The following FMNL2 variants were observed in gnomAD, a reference collection of about 807,000 sequenced individuals.
FMNL2 encodes the protein formin-like protein 2.
Under a neutral mutation model 130.2 loss-of-function variants are expected in FMNL2, and 51 were observed. The observed-to-expected ratio is 0.39, with a 90% confidence interval of 0.31 to 0.49. The LOEUF is 0.49. FMNL2 is among the 20% of genes least tolerant of loss of function. The pLI, the probability that FMNL2 is intolerant of heterozygous loss-of-function variation, is 0.85. For synonymous variants in FMNL2, 465 were observed against 467.1 expected (o/e 1.00, Z 0.06); for missense variants, 977 against 1,316.2 (o/e 0.74, Z 3.99).
chr2:152,400,265 C>T (rs973315631), intron 1 of FMNL2, among the ~76,000 whole-genome samples: 3 of 152,022 alleles, frequency 2.0e-5, no homozygotes, highest in Admixed American at 6.5e-5. Context: ...AACTCCGTCT[C>T]TAATAAAAAA....
chr2:152,395,837 C>T (rs1469222795), intron 1 of FMNL2, among the ~76,000 whole-genome samples: 3 of 147,918 alleles, frequency 2.0e-5, no homozygotes, highest in Non-Finnish European at 3.0e-5. Context: ...CAACCAAATA[C>T]CCAACTGTGA....
At chr2:152,643,440 C>G (rs878926446) in intron 25 of FMNL2, 1 of 1,536,152 alleles carries the variant, frequency 6.5e-7, no homozygotes, top group Non-Finnish European at 8.7e-7. Flanking sequence ...GTGCCCTTTA[C>G]TGCTCGCACC....
chr2:152,574,623 A>G (rs1318804568), intron 6 of FMNL2, among the ~76,000 whole-genome samples: 1 of 152,180 alleles, frequency 6.6e-6, no homozygotes, highest in African/African-American at 2.4e-5. Context: ...TATGAATACA[A>G]TTTAACAAAA....
chr2:152,478,251 T>TATA (rs1491140356), intron 1 of FMNL2, among the ~76,000 whole-genome samples: 4 of 53,908 alleles, frequency 7.4e-5, no homozygotes, highest in African/African-American at 1.5e-4. Flanking sequence ...TATATATATA[T>TATA]TTTTTTTTTT....
intron 1 of FMNL2, among the ~76,000 whole-genome samples, chr2:152,497,269 A>G (rs1199613931): frequency 6.6e-6 from 1 of 152,202 alleles, no homozygotes; most frequent in African/African-American, 2.4e-5. Flanking sequence ...ATGCTAACAC[A>G]TACCCCACGA....
intron 1 of FMNL2, among the ~76,000 whole-genome samples, chr2:152,490,569 A>ATATGTG: frequency 9.2e-6 from 1 of 108,566 alleles, no homozygotes; most frequent in East Asian, 2.8e-4. Flanking sequence ...TTGCTATCCA[A>ATATGTG]TGTGTGTGTG....
intron 1 of FMNL2, among the ~76,000 whole-genome samples, chr2:152,485,677 G>A (rs1343619851): frequency 2.0e-5 from 3 of 152,118 alleles, no homozygotes; most frequent in East Asian, 3.9e-4. Flanking sequence ...TTAAAAAATC[G>A]AATGTTTTAA....
chr2:152,631,526 C>T (rs899662141), intron 20 of FMNL2, among the ~76,000 whole-genome samples: 3 of 151,910 alleles, frequency 2.0e-5, no homozygotes, highest in East Asian at 1.9e-4. Flanking sequence ...ATGATTACAG[C>T]GTGGATCCAC....
At chr2:152,461,452 G>C (rs932433020) in intron 1 of FMNL2, among the ~76,000 whole-genome samples, 1 of 151,942 alleles carries the variant, frequency 6.6e-6, no homozygotes, top group Non-Finnish European at 1.5e-5. Context: ...GGAAATATTT[G>C]ATCTGTATTT....
At chr2:152,510,773 A>G (rs1692456535) in intron 1 of FMNL2, among the ~76,000 whole-genome samples, 1 of 152,220 alleles carries the variant, frequency 6.6e-6, no homozygotes, top group African/African-American at 2.4e-5. Flanking sequence ...GTCATACACC[A>G]GAAGGCCTGC....
chr2:152,445,697 G>T (rs1019275168), intron 1 of FMNL2, among the ~76,000 whole-genome samples: 8 of 152,200 alleles, frequency 5.3e-5, no homozygotes. Flanking sequence ...TGGATCAGGG[G>T]TTGAAAATCT....
intron 23 of FMNL2, 61 bp from the exon 24 acceptor site, chr2:152,639,897 A>G (rs1682936871): frequency 6.9e-7 from 1 of 1,441,050 alleles, no homozygotes; most frequent in African/African-American, 1.4e-5. Context: ...ATGACTTTAA[A>G]AAATCTTGGC....
intron 1 of FMNL2, among the ~76,000 whole-genome samples, chr2:152,449,976 TCTAC>T (rs1485741290): frequency 6.6e-6 from 1 of 152,212 alleles, no homozygotes; most frequent in Non-Finnish European, 1.5e-5. Flanking sequence ...CTATTCCAAA[TCTAC>T]CTGTTGCCTC....
chr2:152,627,905 C>T (rs1681904108), intron 17 of FMNL2, among the ~76,000 whole-genome samples: 1 of 152,144 alleles, frequency 6.6e-6, no homozygotes, highest in African/African-American at 2.4e-5. Flanking sequence ...TGTTAATCTC[C>T]TGAATTAGCT....
At chr2:152,543,728 C>CGAAA (rs1694449934) in intron 3 of FMNL2, among the ~76,000 whole-genome samples, 1 of 29,160 alleles carries the variant, frequency 3.4e-5, no homozygotes, top group African/African-American at 1.1e-4. Flanking sequence ...CACCCCCCGA[C>CGAAA]CAAAAAAAAA....
At chr2:152,412,446 TTATA>T (rs56681937) in intron 1 of FMNL2, among the ~76,000 whole-genome samples, 183 of 102,874 alleles carry the variant, frequency 1.8e-3, no homozygotes, top group African/African-American at 3.9e-3. Flanking sequence ...TCTGTATATT[TTATA>T]TATATATATA....
chr2:152,620,536 C>T (rs997695794), intron 15 of FMNL2, among the ~76,000 whole-genome samples: 109 of 152,134 alleles, frequency 7.2e-4, no homozygotes, highest in African/African-American at 2.5e-3. Context: ...ATCCCTGTGA[C>T]GTGGGGTAAT....
intron 1 of FMNL2, among the ~76,000 whole-genome samples, chr2:152,378,986 CAAAAAAAA>C (rs34091948): frequency 7.4e-4 from 31 of 41,982 alleles, no homozygotes; most frequent in Non-Finnish European, 9.8e-4. Flanking sequence ...AGACCAGCTG[CAAAAAAAA>C]AAAAAAAAAA....
At chr2:152,531,030 AAGGCTTGTAGC>A (rs558199341) in intron 2 of FMNL2, among the ~76,000 whole-genome samples, 76 of 152,358 alleles carry the variant, frequency 5.0e-4, no homozygotes, top group African/African-American at 1.7e-3. Context: ...GGATGAGTCC[AAGGCTTGTAGC>A]AGCATCTTCA....
Sources: allele counts gnomAD v4.1 joint callset (sites outside exome capture counted in the v4.1 genomes callset), GRCh38; gene constraint gnomAD v4.1.1; transcripts MANE v1.5; gene names NCBI Gene and HGNC (gene_info 2026-07-23, HGNC 2026-07-21).